NRXN3: variants seen among roughly 807,000 people sequenced by gnomAD.
The protein encoded by NRXN3 is neurexin III.
A neutral mutation model predicts 137.6 loss-of-function variants in NRXN3; 32 were observed. The observed-to-expected ratio is 0.23, with a 90% CI of 0.18 to 0.31. NRXN3 has a LOEUF of 0.31. Ranked by LOEUF, NRXN3 falls within the 10% of genes least tolerant of loss-of-function variation. NRXN3 has a pLI of 1.00. For synonymous variants in NRXN3, 798 were observed against 784.5 expected, an observed-to-expected ratio of 1.02 and a Z score of -0.29; for missense variants, 1,574 against 2,062.5, an observed-to-expected ratio of 0.76 and a Z score of 4.59.
intron 15 of NRXN3, among the ~76,000 whole-genome samples, chr14:79,151,396 A>G (rs1220258722): frequency 6.6e-6 from 1 of 152,048 alleles, no homozygotes; most frequent in Admixed American, 6.6e-5. Flanking sequence ...AGCTGCAAAA[A>G]CCATAGCAAG....
At chr14:78,859,377 C>T (rs570239683) in intron 10 of NRXN3, among the ~76,000 whole-genome samples, 7 of 152,164 alleles carry the variant, frequency 4.6e-5, no homozygotes, top group Non-Finnish European at 7.4e-5. Flanking sequence ...GTAATAAAAC[C>T]AACCAGATGC....
intron 16 of NRXN3, among the ~76,000 whole-genome samples, chr14:79,491,516 G>A (rs1221867035): frequency 6.6e-6 from 1 of 152,058 alleles, no homozygotes; most frequent in Non-Finnish European, 1.5e-5. Flanking sequence ...GTAAAATCTT[G>A]AGACTTTTAT....
intron 19 of NRXN3, among the ~76,000 whole-genome samples, chr14:79,750,848 T>C (rs1378912243): frequency 6.6e-6 from 1 of 152,124 alleles, no homozygotes; most frequent in African/African-American, 2.4e-5. Context: ...AAAAGTAAAA[T>C]GTCAGGGTGA....
chr14:79,011,957 C>A (rs1019439569), intron 15 of NRXN3, among the ~76,000 whole-genome samples: 2 of 152,174 alleles, frequency 1.3e-5, no homozygotes, highest in African/African-American at 2.4e-5. Flanking sequence ...AGTCATTCTA[C>A]AAATGTACAC....
chr14:79,726,730 T>C (rs1354860765), intron 19 of NRXN3, among the ~76,000 whole-genome samples: 1 of 152,170 alleles, frequency 6.6e-6, no homozygotes, highest in African/African-American at 2.4e-5. Flanking sequence ...GAAAGACCAC[T>C]GGCATAAAAG....
rs977566708 is a variant in NRXN3, at chr14:79,000,647, A to G, written c.3262+12506A>G. Among the ~76,000 whole-genome samples, 11 of 152,052 alleles carry G rather than the reference A, an allele frequency of 7.2e-5. No individual in the cohort carries two copies. In the East Asian group the frequency reaches 2.1e-3, roughly 29 times the overall value. ...TAAAATTTCCATGTGATTCCCTCAC[A>G]CTGGCACTAAAGTGTGTCATCTGGT... On this transcript the variant is annotated intron_variant, in intron 15 of 20. Coordinates refer to ENST00000335750, the MANE Select transcript of NRXN3 (RefSeq NM_001330195.2).
At chr14:79,491,305 G>A (rs890692822) in intron 16 of NRXN3, among the ~76,000 whole-genome samples, 1 of 152,114 alleles carries the variant, frequency 6.6e-6, no homozygotes, top group African/African-American at 2.4e-5. Flanking sequence ...TACACAATCT[G>A]CTCAGTGAAT....
intron 15 of NRXN3, among the ~76,000 whole-genome samples, chr14:79,442,467 C>G (rs895073735): frequency 6.6e-6 from 1 of 152,152 alleles, no homozygotes; most frequent in Non-Finnish European, 1.5e-5. Context: ...TTTTGGGCTT[C>G]TCTTGCCAGT....
At chr14:79,244,232 A>T (rs541179118) in intron 15 of NRXN3, among the ~76,000 whole-genome samples, 2 of 152,248 alleles carry the variant, frequency 1.3e-5, no homozygotes, top group African/African-American at 4.8e-5. Flanking sequence ...GTGGTACTGT[A>T]CTATGCAGAT....
At chr14:78,706,907 A>G (rs1158081) in intron 6 of NRXN3, among the ~76,000 whole-genome samples, 46,545 of 151,968 alleles carry the variant, frequency 0.31, 9,045 homozygotes, top group African/African-American at 0.55. Flanking sequence ...TCTACATTTA[A>G]ATATTGGGGA....
intron 15 of NRXN3, among the ~76,000 whole-genome samples, chr14:79,283,935 C>T (rs370047116): frequency 4.0e-5 from 6 of 151,674 alleles, no homozygotes; most frequent in East Asian, 1.9e-4. Context: ...AAATACCAAG[C>T]GAAATTAATA....
At chr14:79,253,626 G>C (rs2153381848) in intron 15 of NRXN3, among the ~76,000 whole-genome samples, 1 of 152,308 alleles carries the variant, frequency 6.6e-6, no homozygotes, top group South Asian at 2.1e-4. Flanking sequence ...GGAGACCTCA[G>C]GAAACTTACA....
chr14:79,357,090 C>T (rs2093450852), intron 15 of NRXN3, among the ~76,000 whole-genome samples: 1 of 152,112 alleles, frequency 6.6e-6, no homozygotes, highest in Admixed American at 6.5e-5. Context: ...TCCCTAATTG[C>T]ATGTGGCTGT....
chr14:78,822,264 A>AT (rs1357984243), intron 10 of NRXN3, among the ~76,000 whole-genome samples: 1 of 152,196 alleles, frequency 6.6e-6, no homozygotes, highest in Non-Finnish European at 1.5e-5. Flanking sequence ...AGTAAAAACA[A>AT]TAGCATTGAG....
intron 4 of NRXN3, among the ~76,000 whole-genome samples, chr14:78,365,045 G>T (rs1385004843): frequency 6.6e-6 from 1 of 151,986 alleles, no homozygotes; most frequent in Admixed American, 6.6e-5. Flanking sequence ...GAACCAACAG[G>T]ATTAGCAAGA....
At chr14:79,636,511 T>C (rs2098404569) in intron 16 of NRXN3, among the ~76,000 whole-genome samples, 1 of 152,184 alleles carries the variant, frequency 6.6e-6, no homozygotes, top group Non-Finnish European at 1.5e-5. Flanking sequence ...TGGCCTCTGA[T>C]GAAATGAAGC....
rs1023841766 is a variant in NRXN3, at chr14:79,864,074, G to A, written c.*2110G>A. 4 of 152,506 alleles carry A rather than the reference G, an allele frequency of 2.6e-5. No individual in the cohort carries two copies. The highest frequency in any genetic ancestry group is 4.8e-5 in the African/African-American group (2 of 41,404). The allele number at this position is 152,506 out of a possible 1,614,324, so 9.4% of individuals were successfully genotyped here. ...AAGCACGATTTTAGATAACCTAAACGGCCCAGCCTATACGAAGTTGATTAT... is the reference window on the plus strand; with the variant it reads ...AAGCACGATTTTAGATAACCTAAACAGCCCAGCCTATACGAAGTTGATTAT... On this transcript the variant is annotated 3_prime_UTR_variant, in exon 21 of 21. Coordinates refer to ENST00000335750, the MANE Select transcript of NRXN3 (RefSeq NM_001330195.2).
rs1413772029 is a variant in NRXN3 at position 79,866,550 on chromosome 14, G to A, written c.*4586G>A. 1 of 152,166 alleles carries A rather than the reference G, an allele frequency of 6.6e-6. No individual in the cohort carries two copies. The highest frequency in any genetic ancestry group is 2.4e-5 in the African/African-American group (1 of 41,430). 9.4% of individuals were successfully genotyped at this position (152,166 alleles called of 1,614,324 possible). A position where few individuals can be genotyped will look rare whatever the true frequency, so the allele number is the denominator to read the frequency against. On this transcript the variant is annotated 3_prime_UTR_variant, in exon 21 of 21. Coordinates refer to ENST00000335750, the MANE Select transcript of NRXN3 (RefSeq NM_001330195.2). ...AAAACCATAATTTGGATTGATGACA[G>A]ACTGCAAAAAGTACATTGGAGGAAG...
intron 2 of NRXN3, among the ~76,000 whole-genome samples, chr14:78,251,911 A>G (rs1054481331): frequency 9.2e-5 from 14 of 152,258 alleles, no homozygotes; most frequent in African/African-American, 3.1e-4. Flanking sequence ...TGTTGCAGGT[A>G]TCAGGCTGTG....
Sources: allele counts gnomAD v4.1 joint callset (sites outside exome capture counted in the v4.1 genomes callset), GRCh38; gene constraint gnomAD v4.1.1; transcripts MANE v1.5; gene names NCBI Gene and HGNC (gene_info 2026-07-23, HGNC 2026-07-21).